The following THSD4 variants were observed in gnomAD, a reference collection of about 807,000 sequenced individuals.
THSD4 encodes thrombospondin type 1 domain containing 4.
A neutral mutation model predicts 119.0 loss-of-function variants in THSD4; 69 were observed. The ratio of observed to expected loss-of-function variants is 0.58; its 90% CI spans 0.48 to 0.71. The LOEUF (loss-of-function observed/expected upper bound fraction) is 0.71, where lower values mean the gene tolerates loss of function less well. Ranked by LOEUF, THSD4 falls within the 30% of genes least tolerant of loss-of-function variation. The probability of loss-of-function intolerance (pLI) is 0.00; values close to 1 mark genes in which losing one functional copy is unlikely to be tolerated. For missense variants in THSD4, 1,393 were observed against 1,391.1 expected (o/e 1.00, Z -0.02); for synonymous variants, 524 against 540.4 (o/e 0.97, Z 0.42).
chr15:71,345,635 C>T (rs78471775), intron 6 of THSD4, among the ~76,000 whole-genome samples: 3,414 of 152,186 alleles, frequency 0.022, 127 homozygotes, highest in African/African-American at 0.079. Flanking sequence ...GTGACAGGTC[C>T]AGGCCTCAGC....
intron 6 of THSD4, among the ~76,000 whole-genome samples, chr15:71,330,398 A>C (rs1169542587): frequency 6.6e-6 from 1 of 152,198 alleles, no homozygotes; most frequent in East Asian, 1.9e-4. Context: ...TAGGTATTCA[A>C]CAAACATGGG....
At chr15:71,682,066 C>A (rs2141032063) in intron 8 of THSD4, among the ~76,000 whole-genome samples, 1 of 152,182 alleles carries the variant, frequency 6.6e-6, no homozygotes, top group Admixed American at 6.5e-5. Context: ...TGAAATCCGA[C>A]CCCCCCTGGA....
chr15:71,652,154 G>A (rs2051103210), intron 7 of THSD4, among the ~76,000 whole-genome samples: 1 of 152,086 alleles, frequency 6.6e-6, no homozygotes, highest in South Asian at 2.1e-4. Flanking sequence ...TGCCTTATAG[G>A]GTGTAGGCAG....
chr15:71,348,647 A>C (rs11072273), intron 6 of THSD4, among the ~76,000 whole-genome samples: 115,457 of 152,212 alleles, frequency 0.76, 44,195 homozygotes, highest in Middle Eastern at 0.93. Flanking sequence ...ACCTAATCTA[A>C]TGGCTGTTGT....
chr15:71,449,631 A>G (rs751900229), intron 7 of THSD4, among the ~76,000 whole-genome samples: 10 of 147,060 alleles, frequency 6.8e-5, no homozygotes, highest in Non-Finnish European at 1.4e-4. Flanking sequence ...TGAAAGTCAC[A>G]CAGGACAATG....
At position 71,289,857 on chromosome 15, in the gene THSD4, C is replaced by T. The variant is rs1324692203; in HGVS notation, c.1015+33142C>T. 2.0e-5 allele frequency among the ~76,000 whole-genome samples: 3 copies of T among 152,094 alleles called. No homozygotes were observed. The East Asian group carries it at 5.8e-4, about 30-fold the overall frequency. On this transcript the variant is annotated intron_variant, in intron 6 of 17. Transcript: ENST00000261862. ...ACCCTGGCTTCTCTTGCCATTTCAT[C>T]TCCTGCTTGCTGCTAGCTTCCTTCT...
intron 8 of THSD4, among the ~76,000 whole-genome samples, chr15:71,670,879 C>A (rs1346742325): frequency 6.6e-6 from 1 of 152,162 alleles, no homozygotes; most frequent in Non-Finnish European, 1.5e-5. Flanking sequence ...GCCACATTTT[C>A]TTAATCCAGT....
chr15:71,295,562 G>A (rs1213058579), intron 6 of THSD4, among the ~76,000 whole-genome samples: 1 of 152,060 alleles, frequency 6.6e-6, no homozygotes, highest in Non-Finnish European at 1.5e-5. Context: ...AACTCACTTT[G>A]TGACTCTGGG....
chr15:71,721,213 C>CA (rs887037143), intron 8 of THSD4, among the ~76,000 whole-genome samples: 10 of 150,492 alleles, frequency 6.6e-5, no homozygotes, highest in Non-Finnish European at 8.9e-5. Flanking sequence ...TTAAAAAATA[C>CA]AAAAAAAGAC....
intron 2 of THSD4, among the ~76,000 whole-genome samples, chr15:71,148,347 C>A (rs1471560635): frequency 1.3e-5 from 2 of 152,202 alleles, no homozygotes; most frequent in African/African-American, 4.8e-5. Context: ...ATTCAGAAAG[C>A]CCTAGGTGTC....
At chr15:71,339,098 C>T (rs12910320) in intron 6 of THSD4, among the ~76,000 whole-genome samples, 54,899 of 152,036 alleles carry the variant, frequency 0.36, 10,226 homozygotes, top group South Asian at 0.48. Flanking sequence ...CCTCACCTAC[C>T]CTGAGATCTT....
chr15:71,127,415 T>A (rs1301840875), intron 1 of THSD4, among the ~76,000 whole-genome samples: 1 of 152,224 alleles, frequency 6.6e-6, no homozygotes, highest in East Asian at 1.9e-4. Context: ...TTTCAAATCT[T>A]TTGGGTAAAT....
intron 8 of THSD4, among the ~76,000 whole-genome samples, chr15:71,668,466 G>A (rs982823361): frequency 6.6e-6 from 1 of 152,150 alleles, no homozygotes; most frequent in Non-Finnish European, 1.5e-5. Flanking sequence ...GCAGGTAAAA[G>A]GGAGGGGAGA....
At chr15:71,219,431 C>T (rs906169561) in intron 4 of THSD4, among the ~76,000 whole-genome samples, 3 of 152,154 alleles carry the variant, frequency 2.0e-5, no homozygotes, top group Admixed American at 6.5e-5. Flanking sequence ...AATCACTTGC[C>T]GTGGAGTGGG....
In THSD4 at chr15:71,777,470, G is replaced by A. The variant is rs1022563354; in HGVS notation, c.*96G>A. 11 of 1,490,988 alleles carry A rather than the reference G, an allele frequency of 7.4e-6. No homozygotes were observed. The highest frequency in any genetic ancestry group is 9.8e-6 in the Non-Finnish European group (11 of 1,120,196). 92.4% of individuals were successfully genotyped at this position (1,490,988 alleles called of 1,614,324 possible). ...CTGCTGCTCCACCACGGGCCCCCTGGCCCAGGCGCTGCCAACCAACTTAGT... is the reference window on the plus strand; with the variant it reads ...CTGCTGCTCCACCACGGGCCCCCTGACCCAGGCGCTGCCAACCAACTTAGT... On this transcript the variant is annotated 3_prime_UTR_variant, in exon 18 of 18. Coordinates refer to ENST00000261862, the MANE Select transcript of THSD4 (RefSeq NM_024817.3).
chr15:71,456,213 T>C (rs921694035), intron 7 of THSD4, among the ~76,000 whole-genome samples: 2 of 152,236 alleles, frequency 1.3e-5, no homozygotes, highest in Non-Finnish European at 2.9e-5. Flanking sequence ...AGAGTGCTAA[T>C]GCAGCACACC....
intron 6 of THSD4, among the ~76,000 whole-genome samples, chr15:71,375,838 C>T (rs937326866): frequency 6.6e-6 from 1 of 152,172 alleles, no homozygotes; most frequent in Non-Finnish European, 1.5e-5. Context: ...CCTACTAAAT[C>T]AGAGGCTCTG....
chr15:71,577,630 A>G (rs1391958989), intron 7 of THSD4, among the ~76,000 whole-genome samples: 1 of 152,096 alleles, frequency 6.6e-6, no homozygotes, highest in East Asian at 1.9e-4. Context: ...TAAAACTTTC[A>G]CTTGATGCCC....
At chr15:71,316,240 T>C (rs1218468435) in intron 6 of THSD4, among the ~76,000 whole-genome samples, 1 of 152,196 alleles carries the variant, frequency 6.6e-6, no homozygotes, top group Non-Finnish European at 1.5e-5. Flanking sequence ...CTCCAACTTC[T>C]GCTAAACAGC....
Sources: allele counts gnomAD v4.1 joint callset (sites outside exome capture counted in the v4.1 genomes callset), GRCh38; gene constraint gnomAD v4.1.1; transcripts MANE v1.5; gene names NCBI Gene and HGNC (gene_info 2026-07-23, HGNC 2026-07-21).